The following UXS1 variants were observed in gnomAD, a reference collection of about 807,000 sequenced individuals.
UXS1 encodes the protein UDP-glucuronic acid decarboxylase 1.
Under a neutral mutation model 62.6 loss-of-function variants are expected in UXS1, and 33 were observed. The ratio of observed to expected loss-of-function variants is 0.53; its 90% CI spans 0.40 to 0.70. The LOEUF is 0.70. Among genes scored for constraint, UXS1 ranks in the 30% least tolerant of loss-of-function variants. The pLI, the probability that UXS1 is intolerant of heterozygous loss-of-function variation, is 0.00. For synonymous variants in UXS1, 213 were observed against 206.8 expected, an observed-to-expected ratio of 1.03 and a Z score of -0.26; for missense variants, 434 against 556.3, an observed-to-expected ratio of 0.78 and a Z score of 2.21.
At chr2:106,178,442 G>C (rs1439615029) in intron 1 of UXS1, among the ~76,000 whole-genome samples, 1 of 151,706 alleles carries the variant, frequency 6.6e-6, no homozygotes, top group Non-Finnish European at 1.5e-5. Flanking sequence ...GTATGTGTAT[G>C]TATATATGTA....
At chr2:106,171,008 T>G (rs539575235) in intron 1 of UXS1, among the ~76,000 whole-genome samples, 54 of 152,326 alleles carry the variant, frequency 3.5e-4, no homozygotes, top group African/African-American at 1.2e-3. Flanking sequence ...AGAAAGATAA[T>G]TATTCAGTTA....
At chr2:106,183,604 T>A (rs1684380732) in intron 1 of UXS1, 2 of 152,174 alleles carry the variant, frequency 1.3e-5, no homozygotes, top group Non-Finnish European at 1.5e-5. Flanking sequence ...TCAGCCCCCC[T>A]CAGAGGAGAA....
At chr2:106,096,200 G>C (rs1558667638) in intron 14 of UXS1, among the ~76,000 whole-genome samples, 2 of 152,136 alleles carry the variant, frequency 1.3e-5, no homozygotes, top group Non-Finnish European at 2.9e-5. Flanking sequence ...GTGTGTGTGT[G>C]TGTGTATGTA....
intron 1 of UXS1, among the ~76,000 whole-genome samples, chr2:106,186,292 T>C (rs1684544411): frequency 6.6e-6 from 1 of 152,156 alleles, no homozygotes; most frequent in African/African-American, 2.4e-5. Flanking sequence ...CACTGAACAG[T>C]GTCAAGTGGG....
At chr2:106,148,459 A>G (rs1020227624) in intron 5 of UXS1, among the ~76,000 whole-genome samples, 3 of 152,212 alleles carry the variant, frequency 2.0e-5, no homozygotes, top group Non-Finnish European at 4.4e-5. Context: ...GCACTCTAAC[A>G]TTATCTCTGC....
At position 106,108,304 on chromosome 2, in the gene UXS1, G is replaced by C. The variant is rs180988784; in HGVS notation, c.880-3467C>G. ...TAAAGTAAAAGAAAGGGGTGTGTGT[G>C]CAAGAGAGAAGATGCTATGCAATTA... On this transcript the variant is annotated intron_variant, in intron 10 of 14. Coordinates refer to ENST00000283148, the MANE Select transcript of UXS1 (RefSeq NM_001253875.2). 2.0e-5 allele frequency among the ~76,000 whole-genome samples: 3 copies of C among 152,346 alleles called. No individual in the cohort carries two copies. In the East Asian group the frequency reaches 5.8e-4, roughly 29 times the overall value.
At chr2:106,137,511 A>T (rs1471735177) in intron 6 of UXS1, among the ~76,000 whole-genome samples, 1 of 152,154 alleles carries the variant, frequency 6.6e-6, no homozygotes, top group Non-Finnish European at 1.5e-5. Flanking sequence ...AATGAGGGCC[A>T]GGCACAATGG....
intron 6 of UXS1, among the ~76,000 whole-genome samples, chr2:106,136,929 G>GA (rs796326130): frequency 2.1e-3 from 116 of 54,162 alleles, no homozygotes; most frequent in Admixed American, 4.7e-3. Context: ...AATAAAAAAA[G>GA]AAAAAAAAAA....
intron 5 of UXS1, among the ~76,000 whole-genome samples, chr2:106,152,596 AAAGAAAAAAG>A (rs1682123976): frequency 6.6e-6 from 1 of 151,974 alleles, no homozygotes; most frequent in Admixed American, 6.6e-5. Context: ...AAAGAAAAGA[AAAGAAAAAAG>A]AAGAGAAAAG....
chr2:106,152,160 C>A (rs934649631), intron 5 of UXS1, among the ~76,000 whole-genome samples: 11 of 152,140 alleles, frequency 7.2e-5, no homozygotes, highest in African/African-American at 2.4e-4. Context: ...GTGCTAAGCA[C>A]GTACAGCAAA....
At chr2:106,154,639 C>T (rs957198856) in intron 5 of UXS1, among the ~76,000 whole-genome samples, 11 of 152,182 alleles carry the variant, frequency 7.2e-5, no homozygotes, top group Non-Finnish European at 1.0e-4. Context: ...TGATTTCAGA[C>T]TTCTAGCTTC....
At chr2:106,099,026 G>C (rs1213160201) in intron 12 of UXS1, among the ~76,000 whole-genome samples, 1 of 152,222 alleles carries the variant, frequency 6.6e-6, no homozygotes, top group Non-Finnish European at 1.5e-5. Context: ...GATAGGTCAA[G>C]AGTTTCTGAT....
intron 11 of UXS1, among the ~76,000 whole-genome samples, chr2:106,103,747 T>C (rs2104849375): frequency 6.6e-6 from 1 of 152,352 alleles, no homozygotes; most frequent in Non-Finnish European, 1.5e-5. Flanking sequence ...CTACTGGCTG[T>C]GTAAATGTTT....
Position 106,122,989 on chromosome 2 carries a change from C to G in UXS1, c.740G>C (p.Cys247Ser). Residue 247 changes from cysteine to serine, a missense_variant, in exon 9 of 15, where the codon TGC becomes TCC. By Grantham distance (112) the Cys-to-Ser change is moderately radical. Transcript: ENST00000283148. ...AAATACCTGCTTCATGTAGGCATAGCACATGGTCTCTGCAACACGTTTGCC... is the reference window on the plus strand; with the variant it reads ...AAATACCTGCTTCATGTAGGCATAGGACATGGTCTCTGCAACACGTTTGCC... Reference protein sequence around the residue: ...DEGKRVAETMCYAYMKQEGVE... With the variant: ...DEGKRVAETMSYAYMKQEGVE... The G allele has an allele frequency of 6.2e-7, 1 of 1,613,910 alleles. No homozygotes were observed. The highest frequency in any genetic ancestry group is 8.5e-7 in the Non-Finnish European group (1 of 1,179,828).
At chr2:106,120,368 G>A (rs921393256) in intron 9 of UXS1, among the ~76,000 whole-genome samples, 1 of 152,154 alleles carries the variant, frequency 6.6e-6, no homozygotes, top group Non-Finnish European at 1.5e-5. Context: ...AGGGCCCCAG[G>A]ACCCCTAGGG....
At chr2:106,105,825 G>A (rs1558679662) in intron 10 of UXS1, among the ~76,000 whole-genome samples, 1 of 152,232 alleles carries the variant, frequency 6.6e-6, no homozygotes, top group Non-Finnish European at 1.5e-5. Context: ...GCCCTCGGGG[G>A]TTTTGTTTGC....
At chr2:106,102,865 A>T (rs965467281) in intron 11 of UXS1, 3 of 152,270 alleles carry the variant, frequency 2.0e-5, no homozygotes, top group Non-Finnish European at 4.4e-5. Context: ...AAGTATGGCA[A>T]AGTCCCTGAA....
At chr2:106,110,764 T>C (rs1414286299) in intron 10 of UXS1, among the ~76,000 whole-genome samples, 1 of 152,098 alleles carries the variant, frequency 6.6e-6, no homozygotes, top group Admixed American at 6.5e-5. Context: ...TGAAACAAAG[T>C]CCCTGGTTTT....
At chr2:106,172,715 T>G (rs1257735011) in intron 1 of UXS1, among the ~76,000 whole-genome samples, 2 of 152,188 alleles carry the variant, frequency 1.3e-5, no homozygotes, top group Non-Finnish European at 2.9e-5. Flanking sequence ...ATTTTTTAAG[T>G]ACCCCAGGTG....
Sources: gnomAD v4.1 joint callset for allele counts (sites outside exome capture counted in the v4.1 genomes callset) on GRCh38, gnomAD v4.1.1 for gene constraint, MANE v1.5 for transcripts, NCBI Gene and HGNC (gene_info 2026-07-23, HGNC 2026-07-21) for gene names.